The following TNRC6B variants were observed in gnomAD, a reference collection of about 807,000 sequenced individuals.
TNRC6B encodes trinucleotide repeat containing adaptor 6B.
Under a neutral mutation model 203.6 loss-of-function variants are expected in TNRC6B, and 52 were observed. The ratio of observed to expected loss-of-function variants is 0.26; its 90% CI spans 0.20 to 0.32. The LOEUF is 0.32. Ranked by LOEUF, TNRC6B falls within the 10% of genes least tolerant of loss-of-function variation. The pLI is 1.00. For missense variants in TNRC6B, 1,923 were observed against 2,286.2 expected (o/e 0.84, Z 3.24); for synonymous variants, 838 against 845.7 (o/e 0.99, Z 0.16).
At chr22:40,153,161 G>A (rs1045120375) in intron 3 of TNRC6B, among the ~76,000 whole-genome samples, 55 of 152,042 alleles carry the variant, frequency 3.6e-4, no homozygotes, top group African/African-American at 1.2e-3. Context: ...GATAAAACAA[G>A]GACGTTTCAG....
intron 1 of TNRC6B, among the ~76,000 whole-genome samples, chr22:40,098,958 A>G (rs919631488): frequency 2.6e-5 from 4 of 152,122 alleles, no homozygotes; most frequent in Non-Finnish European, 4.4e-5. Context: ...GGAGTAAGAA[A>G]ACATAAAGTA....
Position 40,048,673 on chromosome 22 carries a change from T to C in TNRC6B, c.-121+3675T>C, listed in dbSNP as rs1046831615. Among the ~76,000 whole-genome samples, 4 of 152,360 alleles carry C rather than the reference T, an allele frequency of 2.6e-5. No individual in the cohort carries two copies. The South Asian group carries it at 8.3e-4, about 32-fold the overall frequency. On this transcript the variant is annotated intron_variant, in intron 1 of 23. Coordinates refer to the TNRC6B transcript ENST00000301923. ...TTTTTAAAAATAACATACAGTAATA[T>C]TGACTTTTTATGTGTGTTTACAGTT...
chr22:40,083,901 GA>G, intron 1 of TNRC6B, among the ~76,000 whole-genome samples: 1 of 151,906 alleles, frequency 6.6e-6, no homozygotes, highest in Middle Eastern at 3.4e-3. Context: ...GGGAGGAGGG[GA>G]AAATAAGTAA....
chr22:40,104,530 C>G (rs1236691974), intron 1 of TNRC6B, among the ~76,000 whole-genome samples: 3 of 152,216 alleles, frequency 2.0e-5, no homozygotes, highest in Non-Finnish European at 1.5e-5. Context: ...CACTGAATAT[C>G]TGCTACCTGC....
chr22:40,201,475 A>C (rs981432259), intron 1 of TNRC6B, among the ~76,000 whole-genome samples: 4 of 150,874 alleles, frequency 2.7e-5, no homozygotes, highest in African/African-American at 9.8e-5. Context: ...TCACTCTGTC[A>C]CCCAGGCTGT....
intron 4 of TNRC6B, among the ~76,000 whole-genome samples, chr22:40,168,404 A>C (rs1216196486): frequency 6.6e-6 from 1 of 152,192 alleles, no homozygotes; most frequent in Non-Finnish European, 1.5e-5. Flanking sequence ...CTTTAGAGGT[A>C]TGTACGAGGT....
rs544011497 is a variant in TNRC6B, at chr22:40,332,440, A to T, written c.*9199A>T. 2.6e-5 allele frequency: 4 copies of T among 152,632 alleles called. No homozygotes were observed. The highest frequency in any genetic ancestry group is 4.8e-5 in the African/African-American group (2 of 41,432). 9.5% of individuals were successfully genotyped at this position (152,632 alleles called of 1,614,324 possible). A position where few individuals can be genotyped will look rare whatever the true frequency, so the allele number is the denominator to read the frequency against. Reference sequence around the variant, plus strand: ...TCCTTTGTTGATCTTGCCTGTGATGAATCATAGCGCCTGCATTGCTCTGGT... The same window carrying T: ...TCCTTTGTTGATCTTGCCTGTGATGTATCATAGCGCCTGCATTGCTCTGGT... On this transcript the variant is annotated 3_prime_UTR_variant, in exon 23 of 23. Transcript: ENST00000454349.
rs141236014 is a variant in TNRC6B at position 40,313,196 on chromosome 22, C to T, written c.4678+199C>T. On this transcript the variant is annotated intron_variant, in intron 19 of 22. Coordinates refer to ENST00000454349, the MANE Select transcript of TNRC6B (RefSeq NM_001162501.2). ...AGTCTCAGGAAGGATGAGCCAGATA[C>T]AGCTTTGGGATGAGGCCGGTAGTGA... 3.3e-5 allele frequency among the ~76,000 whole-genome samples: 5 copies of T among 152,280 alleles called. No individual in the cohort carries two copies. In the East Asian group the frequency reaches 7.7e-4, roughly 23 times the overall value.
intron 3 of TNRC6B, among the ~76,000 whole-genome samples, chr22:40,145,332 A>G (rs1020239716): frequency 3.3e-5 from 5 of 152,064 alleles, no homozygotes; most frequent in Non-Finnish European, 7.4e-5. Flanking sequence ...ATTATACTTC[A>G]ATTTAAAAAA....
chr22:40,107,114 C>CT, intron 1 of TNRC6B: 1 of 630,156 alleles, frequency 1.6e-6, no homozygotes, highest in South Asian at 1.9e-5. Context: ...AACAAATACT[C>CT]TTAATTTTCA....
intron 1 of TNRC6B, among the ~76,000 whole-genome samples, chr22:40,060,269 A>G (rs958597348): frequency 2.0e-5 from 3 of 151,044 alleles, no homozygotes; most frequent in Admixed American, 2.0e-4. Flanking sequence ...TGCCCAGGCT[A>G]AAGTGCAGTG....
chr22:40,088,674 C>G (rs1276672478), intron 1 of TNRC6B, among the ~76,000 whole-genome samples: 1 of 150,712 alleles, frequency 6.6e-6, no homozygotes, highest in Non-Finnish European at 1.5e-5. Flanking sequence ...AGGCTGGTCT[C>G]TAACTCCTGA....
chr22:40,158,955 A>G (rs1267766128), intron 4 of TNRC6B, among the ~76,000 whole-genome samples: 1 of 152,092 alleles, frequency 6.6e-6, no homozygotes, highest in Non-Finnish European at 1.5e-5. Flanking sequence ...TAGGGAATCT[A>G]GGAACTGAGT....
chr22:40,226,524 C>T (rs1426671017), intron 1 of TNRC6B, among the ~76,000 whole-genome samples: 1 of 152,170 alleles, frequency 6.6e-6, no homozygotes, highest in Non-Finnish European at 1.5e-5. Context: ...TATTTTCTAA[C>T]ATAAAATTCT....
chr22:40,225,139 T>C (rs984790260), intron 1 of TNRC6B, among the ~76,000 whole-genome samples: 4 of 152,208 alleles, frequency 2.6e-5, no homozygotes, highest in Non-Finnish European at 5.9e-5. Flanking sequence ...AGTGTCAGAC[T>C]CCAAAGGCTG....
intron 2 of TNRC6B, among the ~76,000 whole-genome samples, chr22:40,249,758 A>G (rs2070160659): frequency 6.6e-6 from 1 of 152,244 alleles, no homozygotes; most frequent in Admixed American, 6.5e-5. Context: ...ATTGTCATTC[A>G]TTCTTGGATA....
At chr22:40,293,484 T>G (rs551712799) in intron 12 of TNRC6B, among the ~76,000 whole-genome samples, 68 of 152,128 alleles carry the variant, frequency 4.5e-4, no homozygotes, top group African/African-American at 1.6e-3. Flanking sequence ...TGAGCCACCG[T>G]GCCTGGCCTG....
At chr22:40,052,619 G>C (rs945874488) in intron 1 of TNRC6B, among the ~76,000 whole-genome samples, 2 of 151,772 alleles carry the variant, frequency 1.3e-5, no homozygotes. Flanking sequence ...TCCACACCTG[G>C]CTCATGTTTT....
At chr22:40,187,929 C>T (rs1286579528) in intron 1 of TNRC6B, among the ~76,000 whole-genome samples, 3 of 152,142 alleles carry the variant, frequency 2.0e-5, no homozygotes, top group Non-Finnish European at 2.9e-5. Flanking sequence ...TAGAAAGGAT[C>T]TTGAATCTGG....
Sources: gnomAD v4.1 joint callset for allele counts (sites outside exome capture counted in the v4.1 genomes callset) on GRCh38, gnomAD v4.1.1 for gene constraint, MANE v1.5 for transcripts, NCBI Gene and HGNC (gene_info 2026-07-23, HGNC 2026-07-21) for gene names.